Variants in CFAP47 observed in about 807,000 individuals in gnomAD.
The protein encoded by CFAP47 is cilia and flagella associated protein 47, also known as cilia- and flagella-associated protein 47.
CFAP47 carries 29 observed loss-of-function variants against 148.1 expected under a neutral mutation model. The ratio of observed to expected loss-of-function variants is 0.20; its 90% CI spans 0.15 to 0.27. The LOEUF is 0.27. CFAP47 is among the 10% of genes least tolerant of loss of function. The probability of loss-of-function intolerance (pLI) is 1.00; values close to 1 mark genes in which losing one functional copy is unlikely to be tolerated. For missense variants in CFAP47, 1,872 were observed against 1,697.5 expected (o/e 1.10, Z -1.81); for synonymous variants, 664 against 577.3 (o/e 1.15, Z -2.15).
At chrX:36,019,607 T>C (rs945848243) in intron 22 of CFAP47, among the ~76,000 whole-genome samples, 4 of 111,637 alleles carry the variant, frequency 3.6e-5, no homozygotes, top group Non-Finnish European at 7.5e-5. Flanking sequence ...ACTATAACTA[T>C]CTTTAATATT....
intron 30 of CFAP47, among the ~76,000 whole-genome samples, chrX:36,087,082 A>T (rs1018693250): frequency 8.9e-6 from 1 of 111,946 alleles, no homozygotes. Context: ...ACCGACCTTC[A>T]TGTACAAATA....
chrX:36,349,752 G>A (rs782038017), intron 58 of CFAP47, among the ~76,000 whole-genome samples: 3 of 110,984 alleles, frequency 2.7e-5, no homozygotes, highest in African/African-American at 9.8e-5. Flanking sequence ...ATCCCAAGAG[G>A]GCTATAGTAC....
intron 7 of CFAP47, among the ~76,000 whole-genome samples, chrX:35,954,322 G>A (rs1378302613): frequency 1.8e-5 from 2 of 110,953 alleles, no homozygotes; most frequent in African/African-American, 6.5e-5. Context: ...AGAAAATAGA[G>A]AATTAGGAAG....
chrX:36,046,834 AT>A lies in CFAP47; in HGVS notation c.4008-12del, dbSNP rs750796883. 54 of 1,062,188 alleles carry A rather than the reference AT, an allele frequency of 5.1e-5. No homozygotes were observed. Among genetic ancestry groups the A allele is most frequent in the Admixed American group, 5.9e-5 (2 of 33,651 alleles). The allele number at this position is 1,062,188 out of a possible 1,213,427, so 87.5% of individuals were successfully genotyped here. On this transcript the variant is annotated intron_variant, in intron 25 of 63. Coordinates refer to ENST00000378653, the MANE Select transcript of CFAP47 (RefSeq NM_001304548.2). ...GGCAGGTATTTTGAGCTAATGAAAC[AT>A]TTTTTTTATTTTAAACAGAAATTCA...
In CFAP47 at chrX:36,371,626, A is replaced by ATG. The variant is rs1556021424; in HGVS notation, c.9185+4503_9185+4504dup. On this transcript the variant is annotated intron_variant, in intron 62 of 63. Transcript: ENST00000378653. ...ATATATGTGTATATATGTGTAATAT[A>ATG]TGTGTATATACACACATATGTGTAT... Among the ~76,000 whole-genome samples, 7 of 86,324 alleles carry ATG rather than the reference A, an allele frequency of 8.1e-5. 1 individual carries two copies. The highest frequency in any genetic ancestry group is 1.1e-4 in the Non-Finnish European group (5 of 44,836). The allele number at this position is 86,324 out of a possible 115,157, so 75.0% of individuals were successfully genotyped here.
intron 2 of CFAP47, among the ~76,000 whole-genome samples, chrX:35,940,013 T>C (rs1935980220): frequency 9.0e-6 from 1 of 110,708 alleles, no homozygotes; most frequent in Non-Finnish European, 1.9e-5. Context: ...GGTATCTCAT[T>C]GTGGTTTTGA....
intron 33 of CFAP47, among the ~76,000 whole-genome samples, chrX:36,129,766 G>A (rs916710787): frequency 1.1e-4 from 12 of 110,981 alleles, no homozygotes; most frequent in Middle Eastern, 4.4e-3. Flanking sequence ...AGTCCATGTA[G>A]TACATCATAT....
At position 36,343,566 on chromosome X, in the gene CFAP47, C is replaced by G. The variant is rs1265937850; in HGVS notation, c.8444-4563C>G. Among the ~76,000 whole-genome samples the G allele has an allele frequency of 6.3e-5, 7 of 111,872 alleles. No individual in the cohort carries two copies. In the East Asian group the frequency reaches 8.5e-4, roughly 14 times the overall value. On this transcript the variant is annotated intron_variant, in intron 57 of 63. Coordinates refer to ENST00000378653, the MANE Select transcript of CFAP47 (RefSeq NM_001304548.2). ...GAACCAGAAATACCATTTGACCTAG[C>G]AATCCCATTACTTGGTATATACCCA...
chrX:35,982,918 T>C (rs1305086896), intron 15 of CFAP47, among the ~76,000 whole-genome samples: 1 of 111,758 alleles, frequency 8.9e-6, no homozygotes, highest in Non-Finnish European at 1.9e-5. Context: ...TTCTTTTTGG[T>C]TAGGATTGTC....
At chrX:36,057,656 G>A (rs1406995737) in intron 26 of CFAP47, among the ~76,000 whole-genome samples, 1 of 111,272 alleles carries the variant, frequency 9.0e-6, no homozygotes, top group African/African-American at 3.3e-5. Flanking sequence ...AAACGGGCAT[G>A]CAAATTCATT....
intron 49 of CFAP47, among the ~76,000 whole-genome samples, chrX:36,258,071 T>C (rs1035529328): frequency 1.8e-5 from 2 of 112,182 alleles, no homozygotes; most frequent in Non-Finnish European, 1.9e-5. Context: ...TCTTACTTGC[T>C]GAAAAATTAT....
In CFAP47 at chrX:36,138,902, A is replaced by T. The variant is rs764888278; in HGVS notation, c.5535+438A>T. Among the ~76,000 whole-genome samples the T allele has an allele frequency of 2.7e-4, 30 of 111,376 alleles. No homozygotes were observed. The South Asian group carries it at 8.2e-3, about 30-fold the overall frequency. ...TAATGGCAATATACGTTTTAATTGTATGTTGACCTTCAAGTTGTAATTCCT... is the reference window on the plus strand; with the variant it reads ...TAATGGCAATATACGTTTTAATTGTTTGTTGACCTTCAAGTTGTAATTCCT... On this transcript the variant is annotated intron_variant, in intron 35 of 63. Transcript: ENST00000378653.
chrX:36,011,490 G>A (rs879203892), intron 21 of CFAP47, among the ~76,000 whole-genome samples: 10 of 111,657 alleles, frequency 9.0e-5, no homozygotes, highest in African/African-American at 1.6e-4. Context: ...TTTAGGTAGC[G>A]TTTGCATGTC....
At chrX:36,180,014 G>A (rs1032875620) in intron 40 of CFAP47, among the ~76,000 whole-genome samples, 3 of 111,076 alleles carry the variant, frequency 2.7e-5, no homozygotes, top group Non-Finnish European at 3.8e-5. Context: ...CCTCAGCTGC[G>A]AATTGGTGCA....
intron 57 of CFAP47, among the ~76,000 whole-genome samples, chrX:36,320,356 A>G (rs1292884537): frequency 8.9e-6 from 1 of 112,333 alleles, no homozygotes; most frequent in African/African-American, 3.2e-5. Context: ...CTAACATTTC[A>G]GTAAGAATGG....
chrX:36,049,508 A>T (rs1250568786), intron 26 of CFAP47, among the ~76,000 whole-genome samples: 3 of 109,430 alleles, frequency 2.7e-5, no homozygotes, highest in Admixed American at 9.9e-5. Flanking sequence ...ACACACACAC[A>T]CACACACACA....
At chrX:36,190,258 A>C (rs16987407) in intron 42 of CFAP47, 62 bp downstream of exon 42, 48,751 of 292,085 alleles carry the variant, frequency 0.17, 3,827 homozygotes, top group African/African-American at 0.38. Flanking sequence ...AGTAACGAAC[A>C]GCAGGTGACT....
chrX:36,362,644 C>T (rs180997034), intron 61 of CFAP47, among the ~76,000 whole-genome samples: 5 of 112,018 alleles, frequency 4.5e-5, no homozygotes, highest in South Asian at 7.3e-4. Context: ...ATGAACATAA[C>T]GAGTCCACGT....
Position 36,104,548 on chromosome X carries a change from C to A in CFAP47, c.5177C>A (p.Pro1726His). 1 of 1,019,582 alleles carries A rather than the reference C, an allele frequency of 9.8e-7. No homozygotes were observed. Among genetic ancestry groups the A allele is most frequent in the Non-Finnish European group, 1.4e-6 (1 of 736,902 alleles). 84.0% of individuals were successfully genotyped at this position (1,019,582 alleles called of 1,213,427 possible). A position where few individuals can be genotyped will look rare whatever the true frequency, so the allele number is the denominator to read the frequency against. Residue 1726 changes from proline to histidine, a missense_variant, in exon 33 of 64, where the codon CCC becomes CAC. By Grantham distance (77) the Pro-to-His change is moderately conservative. Coordinates refer to ENST00000378653, the MANE Select transcript of CFAP47 (RefSeq NM_001304548.2). Reference protein sequence around the residue: ...VVPYCSNNMPPICVQNTPKVN... With the variant: ...VVPYCSNNMPHICVQNTPKVN... The stretch of plus-strand genomic sequence containing the variant: ...CCATACTGCAGCAATAATATGCCCC[C>A]CATATGTGTGCAAAATACACCAAAA...
Sources: allele counts gnomAD v4.1 joint callset (sites outside exome capture counted in the v4.1 genomes callset), GRCh38; gene constraint gnomAD v4.1.1; transcripts MANE v1.5; gene names NCBI Gene and HGNC (gene_info 2026-07-23, HGNC 2026-07-21).